Variants in DNAJC3 observed in about 807,000 individuals in gnomAD.
The protein encoded by DNAJC3 is DnaJ heat shock protein family (Hsp40) member C3.
Under a neutral mutation model 68.6 loss-of-function variants are expected in DNAJC3, and 38 were observed. The observed-to-expected ratio is 0.55, with a 90% CI of 0.43 to 0.73. The LOEUF (loss-of-function observed/expected upper bound fraction) is 0.73, where lower values mean the gene tolerates loss of function less well. Ranked by LOEUF, DNAJC3 falls within the 30% of genes least tolerant of loss-of-function variation. DNAJC3 has a pLI of 0.00. For missense variants in DNAJC3, 526 were observed against 591.9 expected (o/e 0.89, Z 1.16); for synonymous variants, 203 against 204.0 (o/e 1.00, Z 0.04).
intron 4 of DNAJC3, among the ~76,000 whole-genome samples, chr13:95,756,184 A>G (rs1322753141): frequency 1.3e-5 from 2 of 152,238 alleles, no homozygotes; most frequent in African/African-American, 4.8e-5. Flanking sequence ...CACGTTATCA[A>G]TAAACTTTTA....
At chr13:95,754,547 A>T (rs115963697) in intron 4 of DNAJC3, among the ~76,000 whole-genome samples, 1,949 of 152,310 alleles carry the variant, frequency 0.013, 42 homozygotes, top group African/African-American at 0.045. Flanking sequence ...TAAATGTAAA[A>T]AAAAAAGGCC....
chr13:95,705,774 A>G (rs1226917046), intron 1 of DNAJC3, among the ~76,000 whole-genome samples: 1 of 152,120 alleles, frequency 6.6e-6, no homozygotes, highest in Non-Finnish European at 1.5e-5. Context: ...CCTGGCCTCA[A>G]GCAGTTCTCC....
At chr13:95,740,158 G>A (rs1161384021) in intron 4 of DNAJC3, among the ~76,000 whole-genome samples, 1 of 152,250 alleles carries the variant, frequency 6.6e-6, no homozygotes, top group Admixed American at 6.5e-5. Flanking sequence ...TGAGGAGGCA[G>A]TCTACCCGTT....
chr13:95,764,689 C>T (rs1179702778), intron 9 of DNAJC3, among the ~76,000 whole-genome samples: 14 of 127,860 alleles, frequency 1.1e-4, no homozygotes, highest in African/African-American at 3.6e-4. Flanking sequence ...TATATACACA[C>T]ACACACATAT....
chr13:95,745,716 C>T (rs1330510556), intron 4 of DNAJC3: 1 of 152,218 alleles, frequency 6.6e-6, no homozygotes, highest in Non-Finnish European at 1.5e-5. Flanking sequence ...CCCTCATATG[C>T]TGGATTTGCA....
rs971316222 is a variant in DNAJC3 at position 95,720,105 on chromosome 13, C to T, written c.194-3137C>T. Among the ~76,000 whole-genome samples, 2 of 151,854 alleles carry T rather than the reference C, an allele frequency of 1.3e-5. 1 individual carries two copies. The highest frequency in any genetic ancestry group is 4.1e-4 in the South Asian group (2 of 4,820). ...CAAATGTGTATAAATAATTAATAAT[C>T]AGTGCTTAGGGTTAGGTGCAGTAAG... On this transcript the variant is annotated intron_variant, in intron 2 of 11. Coordinates refer to ENST00000602402, the MANE Select transcript of DNAJC3 (RefSeq NM_006260.5).
chr13:95,692,365 G>A (rs558252722), intron 1 of DNAJC3, among the ~76,000 whole-genome samples: 1 of 152,080 alleles, frequency 6.6e-6, no homozygotes. Flanking sequence ...TGTGTTGTCA[G>A]TGGGGGGGTT....
chr13:95,722,774 C>G (rs1228072357), intron 2 of DNAJC3, among the ~76,000 whole-genome samples: 1 of 123,738 alleles, frequency 8.1e-6, no homozygotes, highest in African/African-American at 3.0e-5. Context: ...GGGCCATGAT[C>G]ATGCCACTGC....
intron 9 of DNAJC3, among the ~76,000 whole-genome samples, chr13:95,775,468 A>C (rs187786480): frequency 6.6e-6 from 1 of 152,298 alleles, no homozygotes; most frequent in African/African-American, 2.4e-5. Context: ...TTACAGCTTT[A>C]ATGTAATATA....
chr13:95,685,547 A>ATGAT (rs1005739559), intron 1 of DNAJC3, among the ~76,000 whole-genome samples: 1 of 152,148 alleles, frequency 6.6e-6, no homozygotes, highest in Non-Finnish European at 1.5e-5. Flanking sequence ...TTGAGAAGGG[A>ATGAT]TGATTGTATT....
chr13:95,691,676 C>T lies in DNAJC3; in HGVS notation c.82+14339C>T, dbSNP rs1225824375. Among the ~76,000 whole-genome samples the T allele has an allele frequency of 2.0e-5, 3 of 152,366 alleles. No homozygotes were observed. In the East Asian group the frequency reaches 5.8e-4, roughly 29 times the overall value. Reference sequence around the variant, plus strand: ...GTGGTGGCCGGGCAGAGGCTGCAATCTCGGCACTTTGGGAGGCCAAGGCAG... The same window carrying T: ...GTGGTGGCCGGGCAGAGGCTGCAATTTCGGCACTTTGGGAGGCCAAGGCAG... On this transcript the variant is annotated intron_variant, in intron 1 of 11. Coordinates refer to ENST00000602402, the MANE Select transcript of DNAJC3 (RefSeq NM_006260.5).
At chr13:95,753,301 CA>C (rs971376635) in intron 4 of DNAJC3, among the ~76,000 whole-genome samples, 69 of 152,020 alleles carry the variant, frequency 4.5e-4, no homozygotes, top group Non-Finnish European at 1.5e-5. Flanking sequence ...CTATTGTTTC[CA>C]AAAACAGTTC....
At chr13:95,779,661 G>A (rs1157913446) in intron 9 of DNAJC3, among the ~76,000 whole-genome samples, 1 of 151,850 alleles carries the variant, frequency 6.6e-6, no homozygotes, top group Non-Finnish European at 1.5e-5. Flanking sequence ...AGTCCTGATT[G>A]CTCACATTTT....
intron 2 of DNAJC3, among the ~76,000 whole-genome samples, chr13:95,714,215 A>G (rs1028287097): frequency 8.5e-5 from 13 of 152,178 alleles, no homozygotes; most frequent in Admixed American, 6.5e-4. Context: ...TGTGTCACCC[A>G]TGGGAATTTT....
chr13:95,728,849 A>G (rs762895375), intron 4 of DNAJC3, among the ~76,000 whole-genome samples: 6 of 152,176 alleles, frequency 3.9e-5, no homozygotes, highest in Non-Finnish European at 7.3e-5. Flanking sequence ...GAAATAGACA[A>G]TATATTGTTA....
chr13:95,748,256 C>T (rs1253423098), intron 4 of DNAJC3, among the ~76,000 whole-genome samples: 3 of 152,120 alleles, frequency 2.0e-5, no homozygotes, highest in African/African-American at 7.2e-5. Flanking sequence ...AGAGCAGAAA[C>T]TTGCATTTTG....
rs549120515 is a variant in DNAJC3 at position 95,760,915 on chromosome 13, T to G, written c.848+117T>G. On this transcript the variant is annotated intron_variant, in intron 7 of 11. Coordinates refer to ENST00000602402, the MANE Select transcript of DNAJC3 (RefSeq NM_006260.5). The stretch of plus-strand genomic sequence containing the variant: ...GCCATTGAGGGTGGGGTATTCTAGA[T>G]AGCCCTGGGCCTTAGCAAAACTACC... 6.3e-5 allele frequency: 89 copies of G among 1,413,026 alleles called. 1 individual carries two copies. The highest frequency in any genetic ancestry group is 8.0e-5 in the Non-Finnish European group (86 of 1,070,580). 87.5% of individuals were successfully genotyped at this position (1,413,026 alleles called of 1,614,324 possible). A position where few individuals can be genotyped will look rare whatever the true frequency, so the allele number is the denominator to read the frequency against.
chr13:95,684,776 C>G (rs1194098632), intron 1 of DNAJC3, among the ~76,000 whole-genome samples: 1 of 152,238 alleles, frequency 6.6e-6, no homozygotes, highest in African/African-American at 2.4e-5. Context: ...CAGCTCCAGC[C>G]ATGGCTGAAA....
intron 7 of DNAJC3, among the ~76,000 whole-genome samples, chr13:95,761,747 C>T (rs1882827876): frequency 6.6e-6 from 1 of 151,546 alleles, no homozygotes; most frequent in African/African-American, 2.4e-5. Context: ...TAGAATCATA[C>T]AATGTATAAA....
Sources: gnomAD v4.1 joint callset for allele counts (sites outside exome capture counted in the v4.1 genomes callset) on GRCh38, gnomAD v4.1.1 for gene constraint, MANE v1.5 for transcripts, NCBI Gene and HGNC (gene_info 2026-07-23, HGNC 2026-07-21) for gene names.